Variants in ZRANB3 observed in about 807,000 individuals in gnomAD.
ZRANB3 encodes DNA annealing helicase and endonuclease ZRANB3.
In ZRANB3, 125 loss-of-function variants were observed where a neutral mutation model predicts 133.8. That is an observed-to-expected ratio of 0.93 (90% CI 0.81 to 1.08). ZRANB3 has a LOEUF of 1.08. Ranked by LOEUF, ZRANB3 falls within the 50% of genes least tolerant of loss-of-function variation. ZRANB3 has a pLI of 0.00. For missense variants in ZRANB3, 1,229 were observed against 1,275.5 expected (o/e 0.96, Z 0.56); for synonymous variants, 387 against 432.7 (o/e 0.89, Z 1.31).
At chr2:135,426,476 T>A (rs753443622) in intron 2 of ZRANB3, among the ~76,000 whole-genome samples, 1 of 152,012 alleles carries the variant, frequency 6.6e-6, no homozygotes, top group Non-Finnish European at 1.5e-5. Flanking sequence ...CAGCAGCACA[T>A]CAAAAGCTAA....
At chr2:135,456,010 T>A (rs921081161) in intron 2 of ZRANB3, among the ~76,000 whole-genome samples, 3 of 152,242 alleles carry the variant, frequency 2.0e-5, no homozygotes, top group Non-Finnish European at 4.4e-5. Context: ...ACTTTGCTTA[T>A]TTCCTTGAAT....
At chr2:135,201,404 A>G (rs1039193668) in intron 20 of ZRANB3, among the ~76,000 whole-genome samples, 11 of 152,032 alleles carry the variant, frequency 7.2e-5, no homozygotes, top group Admixed American at 3.9e-4. Context: ...TGTAATCCCA[A>G]CGCTTTGAAA....
chr2:135,357,967 C>T lies in ZRANB3; in HGVS notation c.181-4339G>A, dbSNP rs1041087155. 4.6e-5 allele frequency among the ~76,000 whole-genome samples: 7 copies of T among 152,092 alleles called. 1 individual carries two copies. The South Asian group carries it at 1.3e-3, about 27-fold the overall frequency. ...TCATTCCTTTTAAGACTTGGTTTTA[C>T]GCTTTTAAAGGGCAAGTTTACTCAT... On this transcript the variant is annotated intron_variant, in intron 3 of 20. Transcript: ENST00000264159.
intron 12 of ZRANB3, among the ~76,000 whole-genome samples, chr2:135,251,800 G>T (rs964779156): frequency 1.3e-5 from 2 of 152,152 alleles, no homozygotes; most frequent in Non-Finnish European, 2.9e-5. Context: ...ACTTTGGGAG[G>T]CTGAGGTGGG....
rs1322385957 is a variant in ZRANB3 at position 135,269,831 on chromosome 2, G to C, written c.1207-690C>G. 8.4e-3 allele frequency among the ~76,000 whole-genome samples: 1,283 copies of C among 152,282 alleles called. 6 individuals carry two copies. The highest frequency in any genetic ancestry group is 0.051 in the Middle Eastern group (15 of 294). ...TGCATGACTTTAATGTTGGTAGGCT[G>C]AATGAAATGTGAACCACGCTTATGC... On this transcript the variant is annotated intron_variant, in intron 10 of 20. Transcript: ENST00000264159.
At chr2:135,475,379 T>A (rs1283543757) in intron 2 of ZRANB3, among the ~76,000 whole-genome samples, 1 of 152,226 alleles carries the variant, frequency 6.6e-6, no homozygotes, top group African/African-American at 2.4e-5. Context: ...TTTGCAGAGA[T>A]GATTCATCTA....
chr2:135,338,172 A>G (rs1180453188), intron 6 of ZRANB3, among the ~76,000 whole-genome samples: 12 of 152,226 alleles, frequency 7.9e-5, no homozygotes, highest in African/African-American at 2.9e-4. Context: ...ACATGGATCT[A>G]GCATACAAAA....
rs561296939 is a variant in ZRANB3 at position 135,215,865 on chromosome 2, G to A, written c.2495+1600C>T. Among the ~76,000 whole-genome samples the A allele has an allele frequency of 1.4e-3, 220 of 152,194 alleles. 1 individual carries two copies. The highest frequency in any genetic ancestry group is 2.7e-3 in the Non-Finnish European group (182 of 67,998). On this transcript the variant is annotated intron_variant, in intron 17 of 20. Coordinates refer to ENST00000264159, the MANE Select transcript of ZRANB3 (RefSeq NM_032143.4). ...CCTGTTCACTGTAGGATTCTCAGCAGCATCCTGGGCCTCTACCCACTAGAT... is the reference window on the plus strand; with the variant it reads ...CCTGTTCACTGTAGGATTCTCAGCAACATCCTGGGCCTCTACCCACTAGAT...
chr2:135,454,694 G>T (rs1209628475), intron 2 of ZRANB3, among the ~76,000 whole-genome samples: 3 of 152,154 alleles, frequency 2.0e-5, no homozygotes, highest in Non-Finnish European at 4.4e-5. Flanking sequence ...TTGGTATTTA[G>T]TTTTCCATTC....
rs1693479434 is a variant in ZRANB3 at position 135,198,140 on chromosome 2, T to C, written c.*2202A>G. The C allele has an allele frequency of 6.6e-6, 1 of 152,244 alleles. No homozygotes were observed. The highest frequency in any genetic ancestry group is 2.4e-5 in the African/African-American group (1 of 41,468). 9.4% of individuals were successfully genotyped at this position (152,244 alleles called of 1,614,324 possible). The stretch of plus-strand genomic sequence containing the variant: ...GGGGCATCTGCACTTCCTTCTGCAC[T>C]CAGGATCTGCCACTTGCTCTGACAC... On this transcript the variant is annotated 3_prime_UTR_variant, in exon 21 of 21. Transcript: ENST00000264159.
Position 135,306,258 on chromosome 2 carries a change from C to A in ZRANB3, c.966+7231G>T, listed in dbSNP as rs548689749. ...GGTATTCCATAGGCTTTCCCCATCC[C>A]TTTTTATTCTTTTTTCATCTGACTG... On this transcript the variant is annotated intron_variant, in intron 8 of 20. Transcript: ENST00000264159. Among the ~76,000 whole-genome samples the A allele has an allele frequency of 9.3e-5, 14 of 150,964 alleles. No individual in the cohort carries two copies. The South Asian group carries it at 2.9e-3, about 32-fold the overall frequency.
chr2:135,505,088 C>G (rs918052426), intron 1 of ZRANB3, among the ~76,000 whole-genome samples: 3 of 152,024 alleles, frequency 2.0e-5, no homozygotes, highest in African/African-American at 7.2e-5. Flanking sequence ...TGATTAACAC[C>G]TTCCTCACCC....
intron 3 of ZRANB3, among the ~76,000 whole-genome samples, chr2:135,374,752 T>C (rs866961835): frequency 1.5e-4 from 23 of 152,128 alleles, no homozygotes; most frequent in African/African-American, 4.1e-4. Context: ...TCTGGCCGCC[T>C]TGGCCTCCCA....
intron 6 of ZRANB3, among the ~76,000 whole-genome samples, chr2:135,332,460 T>A (rs2104848868): frequency 6.6e-6 from 1 of 152,336 alleles, no homozygotes; most frequent in East Asian, 1.9e-4. Context: ...AAATAATGTC[T>A]TAAATATAGT....
Position 135,286,548 on chromosome 2 carries a change from G to A in ZRANB3, c.967-10793C>T, listed in dbSNP as rs569341178. On this transcript the variant is annotated intron_variant, in intron 8 of 20. Coordinates refer to ENST00000264159, the MANE Select transcript of ZRANB3 (RefSeq NM_032143.4). Reference sequence around the variant, plus strand: ...CTGCCTTGGCCTCCTAAAAGTGTTGGGATTACAGGCGTGAGCCACTGCACT... The same window carrying A: ...CTGCCTTGGCCTCCTAAAAGTGTTGAGATTACAGGCGTGAGCCACTGCACT... Among the ~76,000 whole-genome samples, 7 of 152,224 alleles carry A rather than the reference G, an allele frequency of 4.6e-5. No individual in the cohort carries two copies. The South Asian group carries it at 1.2e-3, about 27-fold the overall frequency.
At chr2:135,464,474 C>G (rs1031953290) in intron 2 of ZRANB3, among the ~76,000 whole-genome samples, 2 of 152,186 alleles carry the variant, frequency 1.3e-5, no homozygotes, top group Non-Finnish European at 2.9e-5. Context: ...GGGAAATTCA[C>G]ATTAGGTGCT....
chr2:135,230,460 C>A, intron 13 of ZRANB3, 53 bp downstream of exon 13: 1 of 1,429,232 alleles, frequency 7.0e-7, no homozygotes. Flanking sequence ...CACAGGTTAT[C>A]TGAAGACACC....
intron 6 of ZRANB3, among the ~76,000 whole-genome samples, chr2:135,317,475 T>G (rs1266170802): frequency 6.6e-6 from 1 of 152,214 alleles, no homozygotes; most frequent in Non-Finnish European, 1.5e-5. Context: ...TCCACTTACA[T>G]GAGACATTGT....
chr2:135,428,468 A>G (rs1368159115), intron 2 of ZRANB3, among the ~76,000 whole-genome samples: 3 of 152,034 alleles, frequency 2.0e-5, no homozygotes, highest in Non-Finnish European at 2.9e-5. Flanking sequence ...GAAGATTCCA[A>G]AAGTAATTGC....
Sources: gnomAD v4.1 joint callset for allele counts (sites outside exome capture counted in the v4.1 genomes callset) on GRCh38, gnomAD v4.1.1 for gene constraint, MANE v1.5 for transcripts, NCBI Gene and HGNC (gene_info 2026-07-23, HGNC 2026-07-21) for gene names.